Variants in MYO1E observed in about 807,000 individuals in gnomAD.
MYO1E encodes unconventional myosin-Ie.
Under a neutral mutation model 151.1 loss-of-function variants are expected in MYO1E, and 68 were observed. That is an observed-to-expected ratio of 0.45 (90% confidence interval 0.37 to 0.55). MYO1E has a LOEUF of 0.55. MYO1E is among the 20% of genes least tolerant of loss of function. The pLI is 0.00. For synonymous variants in MYO1E, 601 were observed against 501.7 expected, an observed-to-expected ratio of 1.20 and a Z score of -2.64; for missense variants, 1,363 against 1,389.3, an observed-to-expected ratio of 0.98 and a Z score of 0.30.
In MYO1E at chr15:59,138,244, G is replaced by C. The variant is rs1236011421; in HGVS notation, c.3204C>G (p.Asp1068Glu). The change falls in exon 27 of 28, where the codon GAC becomes GAG. Residue 1068 changes from aspartate to glutamate, a missense_variant. Asp to Glu is a conservative substitution (Grantham distance 45). Coordinates refer to ENST00000288235, the MANE Select transcript of MYO1E (RefSeq NM_004998.4). ...TGTCATTGGCATTAAAGCTGAGTTCGTCTGTGTCCTGAGCGTCATAGGCAT... is the reference window on the plus strand; with the variant it reads ...TGTCATTGGCATTAAAGCTGAGTTCCTCTGTGTCCTGAGCGTCATAGGCAT... ...ALYAYDAQDT[D>E]ELSFNANDII... 1 of 1,614,162 alleles carries C rather than the reference G, an allele frequency of 6.2e-7. No homozygotes were observed. The highest frequency in any genetic ancestry group is 8.5e-7 in the Non-Finnish European group (1 of 1,180,034).
At chr15:59,288,994 T>C (rs1270574974) in intron 1 of MYO1E, among the ~76,000 whole-genome samples, 11 of 152,216 alleles carry the variant, frequency 7.2e-5, no homozygotes, top group African/African-American at 2.7e-4. Context: ...AATACTTACA[T>C]ATTTACATTC....
At chr15:59,301,726 G>A (rs1235695712) in intron 1 of MYO1E, among the ~76,000 whole-genome samples, 3 of 152,218 alleles carry the variant, frequency 2.0e-5, no homozygotes, top group African/African-American at 7.2e-5. Flanking sequence ...GGAGCCTGAA[G>A]AGCGGACTCC....
intron 19 of MYO1E, among the ~76,000 whole-genome samples, 186 bp from the exon 20 acceptor site, chr15:59,174,426 C>T (rs191245393): frequency 1.6e-3 from 249 of 152,254 alleles, no homozygotes; most frequent in Non-Finnish European, 2.9e-3. Flanking sequence ...TATAAAATGA[C>T]CTATACCTTT....
intron 2 of MYO1E, among the ~76,000 whole-genome samples, chr15:59,265,351 T>C (rs1008170614): frequency 1.3e-5 from 2 of 152,162 alleles, no homozygotes; most frequent in Non-Finnish European, 2.9e-5. Flanking sequence ...ACTCAATAAA[T>C]ATGAATTCAG....
chr15:59,304,838 G>T (rs527895535), intron 1 of MYO1E, among the ~76,000 whole-genome samples: 1 of 152,292 alleles, frequency 6.6e-6, no homozygotes, highest in Admixed American at 6.5e-5. Context: ...CTAGAAAATG[G>T]AACTTGTCTT....
At chr15:59,156,448 G>C (rs556954665) in intron 25 of MYO1E, among the ~76,000 whole-genome samples, 34 of 152,334 alleles carry the variant, frequency 2.2e-4, no homozygotes, top group African/African-American at 7.9e-4. Context: ...GTCTCCCAAA[G>C]TGCTGGGATT....
intron 1 of MYO1E, among the ~76,000 whole-genome samples, chr15:59,293,130 T>C (rs1193426198): frequency 6.6e-6 from 1 of 152,148 alleles, no homozygotes; most frequent in Non-Finnish European, 1.5e-5. Flanking sequence ...AGGCACCCTT[T>C]TTATTCTGCT....
rs541625910 is a variant in MYO1E, at chr15:59,350,785, T to C, written c.3+21713A>G. On this transcript the variant is annotated intron_variant, in intron 1 of 27. Coordinates refer to ENST00000288235, the MANE Select transcript of MYO1E (RefSeq NM_004998.4). This position sits in a 1 kb window ranked among gnomAD's most constrained non-coding sequence, Gnocchi z 5.0. ...GTTTAGTCACAAATAAATAACTCTA[T>C]GGTAAGGGCCACAATTTGGAGAAGG... Among the ~76,000 whole-genome samples, 7 of 152,350 alleles carry C rather than the reference T, an allele frequency of 4.6e-5. No homozygotes were observed. Among genetic ancestry groups the C allele is most frequent in the African/African-American group, 1.4e-4 (6 of 41,570 alleles).
chr15:59,166,382 T>A (rs751988133), intron 22 of MYO1E, among the ~76,000 whole-genome samples: 2 of 152,272 alleles, frequency 1.3e-5, no homozygotes, highest in Non-Finnish European at 2.9e-5. Context: ...TTGAAAGACC[T>A]CTTCCTAGTC....
At chr15:59,204,958 C>T (rs963348496) in intron 15 of MYO1E, among the ~76,000 whole-genome samples, 3 of 152,126 alleles carry the variant, frequency 2.0e-5, no homozygotes, top group South Asian at 2.1e-4. Flanking sequence ...GGTAGAAAGC[C>T]TGAGGCCCTG....
intron 26 of MYO1E, among the ~76,000 whole-genome samples, chr15:59,141,546 C>T (rs1209567882): frequency 6.6e-6 from 1 of 152,156 alleles, no homozygotes; most frequent in African/African-American, 2.4e-5. Flanking sequence ...CGCCTATAAT[C>T]CCAGCACCTT....
chr15:59,308,838 C>CA (rs35012634), intron 1 of MYO1E, among the ~76,000 whole-genome samples: 5,252 of 145,020 alleles, frequency 0.036, 245 homozygotes, highest in African/African-American at 0.11. Flanking sequence ...AACTCCATCT[C>CA]AAAAAAAAAA....
intron 1 of MYO1E, among the ~76,000 whole-genome samples, chr15:59,359,415 G>A (rs1456576895): frequency 6.6e-6 from 1 of 151,254 alleles, no homozygotes; most frequent in African/African-American, 2.4e-5. Flanking sequence ...CTTGAGCCTA[G>A]GAGGTTGAGG....
intron 4 of MYO1E, among the ~76,000 whole-genome samples, chr15:59,253,400 G>C (rs572292721): frequency 6.6e-6 from 1 of 151,580 alleles, no homozygotes; most frequent in Non-Finnish European, 1.5e-5. Flanking sequence ...CTGGACACAC[G>C]AAGAGAGAGC....
chr15:59,357,324 C>T (rs116267145), intron 1 of MYO1E, among the ~76,000 whole-genome samples: 2,429 of 152,000 alleles, frequency 0.016, 63 homozygotes, highest in African/African-American at 0.054. Flanking sequence ...AGAAAGGATT[C>T]TACCTGAAAA....
intron 26 of MYO1E, among the ~76,000 whole-genome samples, chr15:59,142,920 C>CAAAAAAAA (rs10717979): frequency 1.1e-5 from 1 of 87,226 alleles, no homozygotes; most frequent in Non-Finnish European, 2.3e-5. Context: ...TAATTAGGTG[C>CAAAAAAAA]AAAAAAAAAA....
rs1596406498 is a variant in MYO1E, at chr15:59,299,628, T to C, written c.4-27179A>G. ...CATCTTCTAAAAATCCTGAGTGAGC[T>C]ATGAAGAAAAAGAATATAAATGCAA... On this transcript the variant is annotated intron_variant, in intron 1 of 27. Transcript: ENST00000288235. Among the ~76,000 whole-genome samples, 4 of 152,318 alleles carry C rather than the reference T, an allele frequency of 2.6e-5. No homozygotes were observed. In the Middle Eastern group the frequency reaches 0.01, roughly 389 times the overall value.
At chr15:59,266,060 C>T (rs953800937) in intron 2 of MYO1E, among the ~76,000 whole-genome samples, 25 of 152,190 alleles carry the variant, frequency 1.6e-4, no homozygotes, top group Admixed American at 9.2e-4. Context: ...ATAAACATAT[C>T]GTAGTTATTT....
intron 14 of MYO1E, chr15:59,207,062 C>G: frequency 1.9e-6 from 3 of 1,614,200 alleles, no homozygotes; most frequent in Non-Finnish European, 2.5e-6. Flanking sequence ...CTCAACGGCA[C>G]CTGGCTCTTC....
Sources: gnomAD v4.1 joint callset for allele counts (sites outside exome capture counted in the v4.1 genomes callset) on GRCh38, gnomAD v4.1.1 for gene constraint, Gnocchi (gnomAD v3.1) non-coding constraint, MANE v1.5 for transcripts, NCBI Gene and HGNC (gene_info 2026-07-23, HGNC 2026-07-21) for gene names.